SCARF2: variants seen among roughly 807,000 people sequenced by gnomAD.
The protein encoded by SCARF2 is scavenger receptor class F member 2, also known as scavenger receptor expressed by endothelial cells 2 protein.
SCARF2 carries 39 observed loss-of-function variants against 73.4 expected under a neutral mutation model. That is an observed-to-expected ratio of 0.53 (90% CI 0.41 to 0.69). The LOEUF (loss-of-function observed/expected upper bound fraction) is 0.69. Among genes scored for constraint, SCARF2 ranks in the 30% least tolerant of loss-of-function variants. SCARF2 has a pLI of 0.00. For missense variants in SCARF2, 1,148 were observed against 1,303.5 expected (o/e 0.88, Z 1.84); for synonymous variants, 605 against 590.0 (o/e 1.03, Z -0.37).
chr22:20,430,652 G>T, intron 5 of SCARF2, 38 bp downstream of exon 5: 1 of 1,599,244 alleles, frequency 6.3e-7, no homozygotes, highest in Non-Finnish European at 8.5e-7. Context: ...CAGGGCGGGG[G>T]ACTGCGTGTC....
intron 10 of SCARF2, 121 bp downstream of exon 10, chr22:20,427,277 G>T: frequency 8.1e-7 from 1 of 1,241,088 alleles, no homozygotes; most frequent in African/African-American, 1.5e-5. Flanking sequence ...TCAGGTACCA[G>T]CATGGCCAAG....
intron 9 of SCARF2, among the ~76,000 whole-genome samples, chr22:20,428,157 TTC>T (rs954861484): frequency 6.6e-6 from 1 of 152,236 alleles, no homozygotes; most frequent in Non-Finnish European, 1.5e-5. Context: ...CCAAGGGGTT[TTC>T]TCTCTCTTGC....
At chr22:20,428,954 C>A (rs933914235) in intron 9 of SCARF2, among the ~76,000 whole-genome samples, 1 of 152,150 alleles carries the variant, frequency 6.6e-6, no homozygotes, top group Admixed American at 6.5e-5. Context: ...TGTCCACACA[C>A]CCCTGATGCG....
chr22:20,431,022 G>A lies in SCARF2; in HGVS notation c.850C>T (p.Arg284Cys), dbSNP rs1189357868. Reference sequence around the variant, plus strand: ...TGGCCGAGAGACCGCGCTTACCGGCGGCGACAGCCCAAGCCGTAGAAGCCG... The same window carrying A: ...TGGCCGAGAGACCGCGCTTACCGGCAGCGACAGCCCAAGCCGTAGAAGCCG... ...PAGFYGLGCR[R>C]RCGQCKGQQP... is the part of the protein sequence containing the mutation. Residue 284 changes from arginine to cysteine, a missense_variant, in exon 4 of 11, where the codon CGC becomes TGC. Arg to Cys is a radical substitution (Grantham distance 180). Coordinates refer to ENST00000622235, the MANE Select transcript of SCARF2 (RefSeq NM_182895.5). 1.9e-6 allele frequency: 3 copies of A among 1,559,426 alleles called. No individual in the cohort carries two copies. Among genetic ancestry groups the A allele is most frequent in the Non-Finnish European group, 8.6e-7 (1 of 1,160,914 alleles).
chr22:20,432,523 G>A (rs4823021), intron 1 of SCARF2, among the ~76,000 whole-genome samples: 12,461 of 152,104 alleles, frequency 0.082, 1,196 homozygotes, highest in East Asian at 0.47. Flanking sequence ...ACAGGGGGAC[G>A]GGGGGTGGCA....
At chr22:20,430,372 A>AC in intron 6 of SCARF2, 57 bp downstream of exon 6, 3 of 1,546,068 alleles carry the variant, frequency 1.9e-6, no homozygotes. Context: ...CGTCGGCTGG[A>AC]CCCCCCTCTG....
chr22:20,428,815 G>A (rs990594637), intron 9 of SCARF2, among the ~76,000 whole-genome samples: 1 of 152,088 alleles, frequency 6.6e-6, no homozygotes, highest in African/African-American at 2.4e-5. Context: ...GGGTACTGCT[G>A]GGGATGTAGG....
chr22:20,429,235 GGGTA>G lies in SCARF2; in HGVS notation c.1526_1529del (p.Leu509ProfsTer4). 1 of 1,613,988 alleles carries G rather than the reference GGGTA, an allele frequency of 6.2e-7. No homozygotes were observed. Among genetic ancestry groups the G allele is most frequent in the Non-Finnish European group, 8.5e-7 (1 of 1,180,026 alleles). On this transcript the variant is annotated frameshift_variant, in exon 9 of 11. Coordinates refer to ENST00000622235, the MANE Select transcript of SCARF2 (RefSeq NM_182895.5). LOFTEE classifies it high-confidence loss of function. The surrounding 1 kb of genome is among the most constrained non-coding windows in gnomAD (Gnocchi z 5.2). ...CGCTGTCATCCTTACCTACGACTTT[GGGTA>G]GTTTCTGCCTCCGGAGCGGGATCCG...
At position 20,429,078 on chromosome 22, in the gene SCARF2, T is replaced by A; in HGVS notation, c.1540+147A>T. The A allele has an allele frequency of 9.4e-7, 1 of 1,065,820 alleles. No individual in the cohort carries two copies. Among genetic ancestry groups the A allele is most frequent in the South Asian group, 1.4e-5 (1 of 71,716 alleles). 66.0% of individuals were successfully genotyped at this position (1,065,820 alleles called of 1,614,324 possible). On this transcript the variant is annotated intron_variant, in intron 9 of 10. Transcript: ENST00000622235. The surrounding 1 kb of genome is among the most constrained non-coding windows in gnomAD (Gnocchi z 5.2). ...CAGCTGCCACACCTCTTACCTTCCC[T>A]CTGGTCGCACCTCCTCGCGCCCACG...
In SCARF2 at chr22:20,429,537, G is replaced by A. The variant is rs889089371; in HGVS notation, c.1423C>T (p.Arg475Trp). 25 of 1,612,510 alleles carry A rather than the reference G, an allele frequency of 1.6e-5. No individual in the cohort carries two copies. The highest frequency in any genetic ancestry group is 2.0e-5 in the Non-Finnish European group (24 of 1,179,666). The change falls in exon 8 of 11, where the codon CGG (arginine) becomes TGG (tryptophan). Residue 475 changes from arginine to tryptophan, a missense_variant and splice_region_variant. Physicochemically the swap from Arg to Trp is moderately radical, Grantham distance 101. This residue lies in a region of SCARF2 where 437 missense variants were observed against 433.6 expected (regional missense o/e 1.01). Coordinates refer to ENST00000622235, the MANE Select transcript of SCARF2 (RefSeq NM_182895.5). The surrounding 1 kb of genome is among the most constrained non-coding windows in gnomAD (Gnocchi z 5.2). Reference sequence around the variant, plus strand: ...AAGCGGGGCAGTATCTGGGCTCACCGGCGCGTAGGGTCCTTGCCGCGGCAA... The same window carrying A: ...AAGCGGGGCAGTATCTGGGCTCACCAGCGCGTAGGGTCCTTGCCGCGGCAA... ...CACRGKDPTR[R>W]ELSLGRKKAP...
At chr22:20,430,628 C>T in intron 5 of SCARF2, 62 bp downstream of exon 5, 2 of 1,606,020 alleles carry the variant, frequency 1.2e-6, no homozygotes, top group Non-Finnish European at 1.7e-6. Context: ...ACATTGGGGC[C>T]TTTGTTAGGG....
At chr22:20,434,103 A>G (rs986873259) in intron 1 of SCARF2, among the ~76,000 whole-genome samples, 3 of 152,206 alleles carry the variant, frequency 2.0e-5, no homozygotes, top group Non-Finnish European at 2.9e-5. Flanking sequence ...GCTATATAGT[A>G]GGGCTCTACT....
At chr22:20,433,224 G>T (rs2052666454) in intron 1 of SCARF2, among the ~76,000 whole-genome samples, 1 of 152,292 alleles carries the variant, frequency 6.6e-6, no homozygotes, top group South Asian at 2.1e-4. Context: ...CCACATTCAG[G>T]GGCAGAGGAG....
At position 20,426,206 on chromosome 22, in the gene SCARF2, C is replaced by T. The variant is rs1206542674; in HGVS notation, c.1770G>A (p.Leu590=). ...CCTCCTCGGCGGAGGCTGGCGTGGT[C>T]AAGGGCACAGGGGACGGCGCCGGCG... is the stretch of plus-strand genomic sequence containing the variant. ...AEAPAPSPVP[L]TTPASAEEAI... is the part of the protein sequence containing the mutation. Residue 590 remains leucine (L), a synonymous_variant, in exon 11 of 11, where the codon TTG becomes TTA. Transcript: ENST00000622235. 6.6e-7 allele frequency: 1 copy of T among 1,526,384 alleles called. No individual in the cohort carries two copies. Among genetic ancestry groups the T allele is most frequent in the Admixed American group, 2.0e-5 (1 of 48,918 alleles). 94.6% of individuals were successfully genotyped at this position (1,526,384 alleles called of 1,614,324 possible). A position where few individuals can be genotyped will look rare whatever the true frequency, so the allele number is the denominator to read the frequency against.
At chr22:20,436,480 C>T (rs1325112422) in intron 1 of SCARF2, among the ~76,000 whole-genome samples, 4 of 152,024 alleles carry the variant, frequency 2.6e-5, no homozygotes, top group Non-Finnish European at 5.9e-5. Context: ...GCCAGGCCGG[C>T]CCCCGCCCCG....
At chr22:20,430,365 C>A in intron 6 of SCARF2, 64 bp downstream of exon 6, 1 of 1,532,820 alleles carries the variant, frequency 6.5e-7, no homozygotes, top group South Asian at 1.2e-5. Flanking sequence ...GCCACCTCGT[C>A]GGCTGGACCC....
intron 5 of SCARF2, 22 bp from the exon 6 acceptor site, chr22:20,430,579 G>A (rs1024045529): frequency 6.2e-7 from 1 of 1,611,960 alleles, no homozygotes; most frequent in South Asian, 1.1e-5. Context: ...GGGAGGAGGC[G>A]TCAGCAGAAA....
Position 20,425,176 on chromosome 22 carries a change from CG to C in SCARF2, c.*198del. On this transcript the variant is annotated 3_prime_UTR_variant, in exon 11 of 11. Coordinates refer to ENST00000622235, the MANE Select transcript of SCARF2 (RefSeq NM_182895.5). This position sits in a 1 kb window ranked among gnomAD's most constrained non-coding sequence, Gnocchi z 4.6. ...TAAGCGCCTGTCAGGCCTCGACCAA[CG>C]GGATGGGCCCTTCCCGCCAGAGCAC... The C allele has an allele frequency of 2.3e-6, 1 of 429,504 alleles. No homozygotes were observed. Among genetic ancestry groups the C allele is most frequent in the Non-Finnish European group, 3.9e-6 (1 of 255,164 alleles). The allele number at this position is 429,504 out of a possible 1,614,324, so 26.6% of individuals were successfully genotyped here.
At chr22:20,436,561 C>A (rs969504812) in intron 1 of SCARF2, among the ~76,000 whole-genome samples, 9 of 152,088 alleles carry the variant, frequency 5.9e-5, no homozygotes, top group African/African-American at 2.2e-4. Flanking sequence ...GCGCTGCCCC[C>A]TCGCAGCCCC....
Sources: gnomAD v4.1 joint callset for allele counts (sites outside exome capture counted in the v4.1 genomes callset) on GRCh38, gnomAD v4.1.1 for gene constraint, gnomAD v4.1.1 regional missense constraint, Gnocchi (gnomAD v3.1) non-coding constraint, MANE v1.5 for transcripts, NCBI Gene and HGNC (gene_info 2026-07-23, HGNC 2026-07-21) for gene names.